Variants in CCER1 observed in about 807,000 individuals in gnomAD.
CCER1 encodes coiled-coil glutamate rich protein 1.
For synonymous variants in CCER1, 246 were observed against 213.8 expected, an observed-to-expected ratio of 1.15 and a Z score of -1.31; for missense variants, 573 against 524.5, an observed-to-expected ratio of 1.09 and a Z score of -0.90.
In CCER1 at chr12:90,952,576, C is replaced by A. The variant is rs1274180982; in HGVS notation, c.*946G>T. On this transcript the variant is annotated 3_prime_UTR_variant, in exon 1 of 1. Coordinates refer to ENST00000358859, the MANE Select transcript of CCER1 (RefSeq NM_152638.4). ...CTCACACAGACTCACACTTACACAT[C>A]TTTGTTTTACTCTTCTTTATAACAA... is the stretch of plus-strand genomic sequence containing the variant. 1.3e-5 allele frequency: 2 copies of A among 152,280 alleles called. No homozygotes were observed. The highest frequency in any genetic ancestry group is 3.9e-4 in the East Asian group (2 of 5,184). 9.4% of individuals were successfully genotyped at this position (152,280 alleles called of 1,614,324 possible).
In CCER1 at chr12:90,953,414, A is replaced by G. The variant is rs1362406954; in HGVS notation, c.*108T>C. 3.1e-6 allele frequency: 4 copies of G among 1,310,500 alleles called. No homozygotes were observed. Among genetic ancestry groups the G allele is most frequent in the Non-Finnish European group, 4.1e-6 (4 of 974,990 alleles). The allele number at this position is 1,310,500 out of a possible 1,614,324, so 81.2% of individuals were successfully genotyped here. ...TAATGGCCAAAGAAGGTGTTTACAT[A>G]GATCTGTTTATTAATGGAACTCACT... On this transcript the variant is annotated 3_prime_UTR_variant, in exon 1 of 1. Coordinates refer to ENST00000358859, the MANE Select transcript of CCER1 (RefSeq NM_152638.4).
chr12:90,954,984 G>T lies in CCER1; in HGVS notation c.-242C>A. On this transcript the variant is annotated 5_prime_UTR_variant, in exon 1 of 1. Coordinates refer to ENST00000358859, the MANE Select transcript of CCER1 (RefSeq NM_152638.4). Reference sequence around the variant, plus strand: ...TGTCTCGCCCAGGTGTGCTGGGTGGGACTGGGGCTGGGTAAGGATGGTGGG... The same window carrying T: ...TGTCTCGCCCAGGTGTGCTGGGTGGTACTGGGGCTGGGTAAGGATGGTGGG... The T allele has an allele frequency of 2.9e-6, 2 of 699,808 alleles. No homozygotes were observed. The highest frequency in any genetic ancestry group is 2.1e-5 in the South Asian group (1 of 46,824). The allele number at this position is 699,808 out of a possible 1,614,324, so 43.3% of individuals were successfully genotyped here.
chr12:90,955,020 G>A lies in CCER1; in HGVS notation c.-278C>T. On this transcript the variant is annotated 5_prime_UTR_variant, in exon 1 of 1. Transcript: ENST00000358859. ...GGTAAGGATGGTGGGGGAGGAAGGT[G>A]TTGGCAGGCGACACGCAGTGAGACC... is the stretch of plus-strand genomic sequence containing the variant. 1.8e-6 allele frequency: 1 copy of A among 541,816 alleles called. No homozygotes were observed. The allele number at this position is 541,816 out of a possible 1,614,324, so 33.6% of individuals were successfully genotyped here. A position where few individuals can be genotyped will look rare whatever the true frequency, so the allele number is the denominator to read the frequency against.
Position 90,953,886 on chromosome 12 carries a change from T to C in CCER1, c.857A>G (p.Asp286Gly). The change falls in exon 1 of 1, where the codon GAT becomes GGT. Residue 286 changes from aspartate to glycine, a missense_variant. By Grantham distance (94) the Asp-to-Gly change is moderately conservative. Transcript: ENST00000358859. ...CACCTCCTGGTCATACTCCTCCTCA[T>C]CATCATTTTTCTTCTCCTCCTCTTC... is the stretch of plus-strand genomic sequence containing the variant. ...VEEEEEKKND[D>G]EEEYDQEVCD... The C allele has an allele frequency of 6.2e-7, 1 of 1,613,430 alleles. No individual in the cohort carries two copies. The highest frequency in any genetic ancestry group is 8.5e-7 in the Non-Finnish European group (1 of 1,179,424).
chr12:90,953,396 C>T lies in CCER1; in HGVS notation c.*126G>A. On this transcript the variant is annotated 3_prime_UTR_variant, in exon 1 of 1. Transcript: ENST00000358859. ...CAAATTTTAAACATTTTATAATGGC[C>T]AAAGAAGGTGTTTACATAGATCTGT... The T allele has an allele frequency of 8.6e-7, 1 of 1,158,674 alleles. No homozygotes were observed. Among genetic ancestry groups the T allele is most frequent in the Non-Finnish European group, 1.2e-6 (1 of 846,176 alleles). The allele number at this position is 1,158,674 out of a possible 1,614,324, so 71.8% of individuals were successfully genotyped here.
chr12:90,953,423 T>C lies in CCER1; in HGVS notation c.*99A>G, dbSNP rs1046990314. The C allele has an allele frequency of 7.2e-6, 10 of 1,389,940 alleles. No individual in the cohort carries two copies. Among genetic ancestry groups the C allele is most frequent in the Non-Finnish European group, 9.6e-6 (10 of 1,042,326 alleles). 86.1% of individuals were successfully genotyped at this position (1,389,940 alleles called of 1,614,324 possible). A position where few individuals can be genotyped will look rare whatever the true frequency, so the allele number is the denominator to read the frequency against. On this transcript the variant is annotated 3_prime_UTR_variant, in exon 1 of 1. Transcript: ENST00000358859. ...AAGAAGGTGTTTACATAGATCTGTT[T>C]ATTAATGGAACTCACTTTTTAATCA...
chr12:90,954,474 C>A lies in CCER1; in HGVS notation c.269G>T (p.Gly90Val). ...PVCSNWGCWGGPWRPPPPGFW... is the reference protein window; with the variant it reads ...PVCSNWGCWGVPWRPPPPGFW... ...TCCTGGAGGGGGTGGGCGCCAGGGC[C>A]CTCCCCAGCACCCCCAGTTAGAGCA... The change falls in exon 1 of 1, where the codon GGG (glycine) becomes GTG (valine). Residue 90 changes from glycine (G) to valine (V), a missense_variant. Gly to Val is a moderately radical substitution (Grantham distance 109). Transcript: ENST00000358859. The A allele has an allele frequency of 1.9e-6, 3 of 1,609,818 alleles. No individual in the cohort carries two copies. The highest frequency in any genetic ancestry group is 4.5e-5 in the East Asian group (2 of 44,722).
chr12:90,954,410 C>A lies in CCER1; in HGVS notation c.333G>T (p.Val111=), dbSNP rs145698413. ...AAAAGCAGAGAGGGTGCAGGCCATA[C>A]ACCCGAAACACTTGCACCGGGCAGG... The part of the protein sequence containing the change: ...KFPCPVQVFR[V]YGLHPLCFCC... Residue 111 remains valine (V), a synonymous_variant, in exon 1 of 1, where the codon GTG becomes GTT. Transcript: ENST00000358859. 1 of 1,612,116 alleles carries A rather than the reference C, an allele frequency of 6.2e-7. No homozygotes were observed. Among genetic ancestry groups the A allele is most frequent in the African/African-American group, 1.3e-5 (1 of 74,916 alleles).
Position 90,955,056 on chromosome 12 carries a change from TC to T in CCER1, c.-315del. 1 of 421,756 alleles carries T rather than the reference TC, an allele frequency of 2.4e-6. No homozygotes were observed. The highest frequency in any genetic ancestry group is 3.7e-5 in the South Asian group (1 of 26,790). The allele number at this position is 421,756 out of a possible 1,614,324, so 26.1% of individuals were successfully genotyped here. A position where few individuals can be genotyped will look rare whatever the true frequency, so the allele number is the denominator to read the frequency against. On this transcript the variant is annotated 5_prime_UTR_variant, in exon 1 of 1. Coordinates refer to ENST00000358859, the MANE Select transcript of CCER1 (RefSeq NM_152638.4). ...ACACGCAGTGAGACCCACTCCCGGG[TC>T]CCCACCACACCCGGCTCTGCTGAGG...
rs1876597979 is a variant in CCER1, at chr12:90,954,623, T to C, written c.120A>G (p.Arg40=). The C allele has an allele frequency of 6.2e-7, 1 of 1,613,178 alleles. No homozygotes were observed. The highest frequency in any genetic ancestry group is 8.5e-7 in the Non-Finnish European group (1 of 1,179,852). ...ASLSSWSSCH[R]RRPGAPAYNR... Reference sequence around the variant, plus strand: ...TGTACGCTGGAGCACCCGGGCGCCTTCGATGGCAGGACGACCAGGAGCTCA... The same window carrying C: ...TGTACGCTGGAGCACCCGGGCGCCTCCGATGGCAGGACGACCAGGAGCTCA... Residue 40 remains arginine (R), a synonymous_variant, in exon 1 of 1, where the codon CGA becomes CGG. Transcript: ENST00000358859.
Position 90,953,393 on chromosome 12 carries a change from G to A in CCER1, c.*129C>T. The A allele has an allele frequency of 2.7e-6, 3 of 1,121,690 alleles. No individual in the cohort carries two copies. Among genetic ancestry groups the A allele is most frequent in the African/African-American group, 3.1e-5 (2 of 63,516 alleles). 69.5% of individuals were successfully genotyped at this position (1,121,690 alleles called of 1,614,324 possible). On this transcript the variant is annotated 3_prime_UTR_variant, in exon 1 of 1. Transcript: ENST00000358859. ...CATCAAATTTTAAACATTTTATAAT[G>A]GCCAAAGAAGGTGTTTACATAGATC...
rs1876621312 is a variant in CCER1, at chr12:90,955,142, C to A, written c.-400G>T. On this transcript the variant is annotated 5_prime_UTR_variant, in exon 1 of 1. Transcript: ENST00000358859. ...AGTTACCTGCTGCTCCCTCTCAACC[C>A]AGGTGCTTCACTGTCGCCGTCCTGG... 8.1e-6 allele frequency: 2 copies of A among 248,134 alleles called. No homozygotes were observed. Among genetic ancestry groups the A allele is most frequent in the Non-Finnish European group, 1.7e-5 (2 of 120,132 alleles). The allele number at this position is 248,134 out of a possible 1,614,324, so 15.4% of individuals were successfully genotyped here.
Position 90,953,415 on chromosome 12 carries a change from G to C in CCER1, c.*107C>G. On this transcript the variant is annotated 3_prime_UTR_variant, in exon 1 of 1. Coordinates refer to ENST00000358859, the MANE Select transcript of CCER1 (RefSeq NM_152638.4). ...AATGGCCAAAGAAGGTGTTTACATA[G>C]ATCTGTTTATTAATGGAACTCACTT... 1.5e-6 allele frequency: 2 copies of C among 1,320,042 alleles called. No homozygotes were observed. Among genetic ancestry groups the C allele is most frequent in the Non-Finnish European group, 2.0e-6 (2 of 982,918 alleles). 81.8% of individuals were successfully genotyped at this position (1,320,042 alleles called of 1,614,324 possible). A position where few individuals can be genotyped will look rare whatever the true frequency, so the allele number is the denominator to read the frequency against.
At position 90,953,418 on chromosome 12, in the gene CCER1, C is replaced by A; in HGVS notation, c.*104G>T. Reference sequence around the variant, plus strand: ...GGCCAAAGAAGGTGTTTACATAGATCTGTTTATTAATGGAACTCACTTTTT... The same window carrying A: ...GGCCAAAGAAGGTGTTTACATAGATATGTTTATTAATGGAACTCACTTTTT... On this transcript the variant is annotated 3_prime_UTR_variant, in exon 1 of 1. Transcript: ENST00000358859. 1 of 1,342,690 alleles carries A rather than the reference C, an allele frequency of 7.4e-7. No individual in the cohort carries two copies. The allele number at this position is 1,342,690 out of a possible 1,614,324, so 83.2% of individuals were successfully genotyped here.
In CCER1 at chr12:90,952,919, A is replaced by G. The variant is rs964268676; in HGVS notation, c.*603T>C. The G allele has an allele frequency of 6.5e-6, 1 of 152,980 alleles. No individual in the cohort carries two copies. The highest frequency in any genetic ancestry group is 6.5e-5 in the Admixed American group (1 of 15,304). 9.5% of individuals were successfully genotyped at this position (152,980 alleles called of 1,614,324 possible). A position where few individuals can be genotyped will look rare whatever the true frequency, so the allele number is the denominator to read the frequency against. ...TGTTCTTCTGAGGAAGATCCATAGC[A>G]CTGTGGAACAAGGAATATCAATAAG... On this transcript the variant is annotated 3_prime_UTR_variant, in exon 1 of 1. Coordinates refer to ENST00000358859, the MANE Select transcript of CCER1 (RefSeq NM_152638.4).
At position 90,954,881 on chromosome 12, in the gene CCER1, G is replaced by C. The variant is rs375821867; in HGVS notation, c.-139C>G. On this transcript the variant is annotated 5_prime_UTR_variant, in exon 1 of 1. Transcript: ENST00000358859. ...GCCACGTGTCTACCCCTGGGATCAC[G>C]TTTTCCTCTCCAGGAGGCTGCTCTC... The C allele has an allele frequency of 3.5e-6, 5 of 1,434,466 alleles. No homozygotes were observed. In the African/African-American group the frequency reaches 7.2e-5, roughly 21 times the overall value. The allele number at this position is 1,434,466 out of a possible 1,614,324, so 88.9% of individuals were successfully genotyped here. A position where few individuals can be genotyped will look rare whatever the true frequency, so the allele number is the denominator to read the frequency against.
In CCER1 at chr12:90,954,022, T is replaced by C. The variant is rs1031805077; in HGVS notation, c.721A>G (p.Lys241Glu). 6.2e-7 allele frequency: 1 copy of C among 1,614,216 alleles called. No homozygotes were observed. The highest frequency in any genetic ancestry group is 1.3e-5 in the African/African-American group (1 of 75,076). ...GTTTCCTGCAGTCCCCAGGTTTCCT[T>C]GCTGCCGCCAGGGGGCGCGTCGTTT... is the stretch of plus-strand genomic sequence containing the variant. Reference protein sequence around the residue: ...SGNDAPPGGSKETWGLQETLY... With the variant: ...SGNDAPPGGSEETWGLQETLY... Residue 241 changes from lysine (K) to glutamate (E), a missense_variant, in exon 1 of 1, where the codon AAG (lysine) becomes GAG (glutamate). By Grantham distance (56) the Lys-to-Glu change is moderately conservative. Transcript: ENST00000358859.
chr12:90,954,405 C>G lies in CCER1; in HGVS notation c.338G>C (p.Gly113Ala). Residue 113 changes from glycine (G) to alanine (A), a missense_variant, in exon 1 of 1, where the codon GGC becomes GCC. By Grantham distance (60) the Gly-to-Ala change is moderately conservative (BLOSUM62 0). Transcript: ENST00000358859. ...GCAGCAAAAGCAGAGAGGGTGCAGG[C>G]CATACACCCGAAACACTTGCACCGG... ...PCPVQVFRVYGLHPLCFCCCS... is the reference protein window; with the variant it reads ...PCPVQVFRVYALHPLCFCCCS... The G allele has an allele frequency of 6.2e-7, 1 of 1,612,338 alleles. No homozygotes were observed. Among genetic ancestry groups the G allele is most frequent in the South Asian group, 1.1e-5 (1 of 91,064 alleles).
In CCER1 at chr12:90,954,388, A is replaced by C; in HGVS notation, c.355T>G (p.Phe119Val). 6.2e-7 allele frequency: 1 copy of C among 1,612,048 alleles called. No homozygotes were observed. The highest frequency in any genetic ancestry group is 8.5e-7 in the Non-Finnish European group (1 of 1,179,928). Residue 119 changes from phenylalanine to valine, a missense_variant, in exon 1 of 1, where the codon TTT (phenylalanine) becomes GTT (valine). By Grantham distance (50) the Phe-to-Val change is conservative (BLOSUM62 -1). Coordinates refer to ENST00000358859, the MANE Select transcript of CCER1 (RefSeq NM_152638.4). ...FRVYGLHPLC[F>V]CCCSCWSGSW... ...CCGCTCCAGCAGGAGCAGCAGCAAA[A>C]GCAGAGAGGGTGCAGGCCATACACC...
Sources: allele counts gnomAD v4.1 joint callset, GRCh38; gene constraint gnomAD v4.1.1; transcripts MANE v1.5; gene names NCBI Gene and HGNC (gene_info 2026-07-23, HGNC 2026-07-21).